Variants in KIF20B observed in about 807,000 individuals in gnomAD.
KIF20B encodes the protein kinesin family member 20B.
KIF20B carries 188 observed loss-of-function variants against 232.5 expected under a neutral mutation model. The observed-to-expected ratio is 0.81, with a 90% confidence interval of 0.72 to 0.91. The LOEUF (loss-of-function observed/expected upper bound fraction) is 0.91. KIF20B is among the 40% of genes least tolerant of loss of function. KIF20B has a pLI of 0.00. For missense variants in KIF20B, 2,154 were observed against 2,055.9 expected, an observed-to-expected ratio of 1.05 and a Z score of -0.92; for synonymous variants, 712 against 683.0, an observed-to-expected ratio of 1.04 and a Z score of -0.66.
chr10:89,754,788 G>A, intron 26 of KIF20B, 115 bp downstream of exon 26: 3 of 682,412 alleles, frequency 4.4e-6, no homozygotes, highest in Non-Finnish European at 6.8e-6. Context: ...TTAAAGGCAG[G>A]TTGTCATCTT....
intron 2 of KIF20B, among the ~76,000 whole-genome samples, chr10:89,705,824 A>T (rs1842711123): frequency 6.6e-6 from 1 of 152,156 alleles, no homozygotes; most frequent in Non-Finnish European, 1.5e-5. Flanking sequence ...GATTGGCATG[A>T]TGTTTTTGAG....
Position 89,737,449 on chromosome 10 carries a change from A to G in KIF20B, c.2608A>G (p.Asn870Asp). Reference protein sequence around the residue: ...DQKKSEEVRPNIAEIEDIRVL... With the variant: ...DQKKSEEVRPDIAEIEDIRVL... ...AAAGAAAAGTGAAGAAGTGCGACCG[A>G]ACATTGCAGAAATTGAAGACATCAG... Residue 870 changes from asparagine to aspartate, a missense_variant, in exon 20 of 33, where the codon AAC becomes GAC. Asn to Asp is a conservative substitution (Grantham distance 23, BLOSUM62 1). Coordinates refer to ENST00000371728, the MANE Select transcript of KIF20B (RefSeq NM_001284259.2). 6.2e-7 allele frequency: 1 copy of G among 1,606,880 alleles called. No homozygotes were observed. The highest frequency in any genetic ancestry group is 8.5e-7 in the Non-Finnish European group (1 of 1,178,038).
At chr10:89,743,981 A>G in intron 22 of KIF20B, 54 bp downstream of exon 22, 1 of 1,458,672 alleles carries the variant, frequency 6.9e-7, no homozygotes, top group Middle Eastern at 1.8e-4. Context: ...GGTATATTTT[A>G]GTGTACAAAA....
At chr10:89,758,615 A>G (rs1842179404) in intron 26 of KIF20B, 91 bp from the exon 27 acceptor site, 5 of 818,528 alleles carry the variant, frequency 6.1e-6, no homozygotes, top group Non-Finnish European at 5.3e-6. Flanking sequence ...TTGCAGCTAT[A>G]TTTATGGTGT....
rs751544939 is a variant in KIF20B at position 89,737,410 on chromosome 10, A to G, written c.2569A>G (p.Ile857Val). The stretch of plus-strand genomic sequence containing the variant: ...AGGGTCTATCCATGTTAGTTCAGCT[A>G]TCACTGAAGACCAAAAGAAAAGTGA... Reference protein sequence around the residue: ...KKGSIHVSSAITEDQKKSEEV... With the variant: ...KKGSIHVSSAVTEDQKKSEEV... Residue 857 changes from isoleucine to valine, a missense_variant, in exon 20 of 33, where the codon ATC (isoleucine) becomes GTC (valine). Transcript: ENST00000371728. The G allele has an allele frequency of 3.8e-6, 6 of 1,583,334 alleles. No homozygotes were observed. Among genetic ancestry groups the G allele is most frequent in the Non-Finnish European group, 1.7e-6 (2 of 1,171,368 alleles).
In KIF20B at chr10:89,735,663, G is replaced by A. The variant is rs532138612; in HGVS notation, c.2546-1724G>A. On this transcript the variant is annotated intron_variant, in intron 19 of 32. Transcript: ENST00000371728. ...AGCCATTCTCCTGGCTCAGCCTCCC[G>A]ACTAGCTGGGATTACAGGCGCCCAC... is the stretch of plus-strand genomic sequence containing the variant. Among the ~76,000 whole-genome samples the A allele has an allele frequency of 2.2e-4, 33 of 148,196 alleles. No individual in the cohort carries two copies. The South Asian group carries it at 6.2e-3, about 28-fold the overall frequency.
In KIF20B at chr10:89,738,514, C is replaced by A; in HGVS notation, c.3673C>A (p.Leu1225Met). 1 of 1,603,148 alleles carries A rather than the reference C, an allele frequency of 6.2e-7. No individual in the cohort carries two copies. Among genetic ancestry groups the A allele is most frequent in the Admixed American group, 1.7e-5 (1 of 58,494 alleles). Residue 1225 changes from leucine (L) to methionine (M), a missense_variant, in exon 20 of 33, where the codon CTG becomes ATG. Physicochemically the swap from Leu to Met is conservative, Grantham distance 15. Transcript: ENST00000371728. ...TKDLNVKELKLKEEITQLTNN... is the reference protein window; with the variant it reads ...TKDLNVKELKMKEEITQLTNN... ...AGATTTAAATGTAAAGGAACTCAAG[C>A]TGAAAGAAGAAATCACACAGTTAAC...
chr10:89,719,155 T>C (rs1432363887), intron 12 of KIF20B, among the ~76,000 whole-genome samples: 1 of 152,184 alleles, frequency 6.6e-6, no homozygotes, highest in Non-Finnish European at 1.5e-5. Flanking sequence ...TTGGTACTTC[T>C]GGGTGATTGG....
At chr10:89,720,143 T>C (rs1392373912) in intron 13 of KIF20B, among the ~76,000 whole-genome samples, 1 of 152,230 alleles carries the variant, frequency 6.6e-6, no homozygotes, top group Non-Finnish European at 1.5e-5. Flanking sequence ...AATATGTTCT[T>C]TATAGCCACT....
At chr10:89,732,862 G>A (rs769680645) in intron 18 of KIF20B, 41 bp from the exon 19 acceptor site, 21 of 1,433,630 alleles carry the variant, frequency 1.5e-5, no homozygotes, top group Non-Finnish European at 1.9e-5. Flanking sequence ...ATTTTTTGTA[G>A]CTTTCTATAT....
chr10:89,725,168 T>C lies in KIF20B; in HGVS notation c.2001+10T>C. 3 of 1,613,188 alleles carry C rather than the reference T, an allele frequency of 1.9e-6. No homozygotes were observed. Among genetic ancestry groups the C allele is most frequent in the Non-Finnish European group, 2.5e-6 (3 of 1,179,486 alleles). On this transcript the variant is annotated intron_variant, in intron 15 of 32. Transcript: ENST00000371728. ...AAAAGTTGAAACTGAAGTATGTTAA[T>C]TGAAGTATTTAAAAATATCCAGTGA...
chr10:89,724,170 T>C (rs915949904), intron 14 of KIF20B, 67 bp downstream of exon 14: 4 of 1,334,934 alleles, frequency 3.0e-6, no homozygotes, highest in Non-Finnish European at 3.9e-6. Context: ...TTTTTTTTTT[T>C]ACTTAGTTTA....
intron 20 of KIF20B, 115 bp downstream of exon 20, chr10:89,738,732 G>C (rs1564667521): frequency 5.3e-6 from 7 of 1,311,212 alleles, no homozygotes; most frequent in Non-Finnish European, 4.0e-6. Context: ...CATGTATGAT[G>C]AGTGAAGAAC....
chr10:89,714,584 TG>T (rs1842900251), intron 7 of KIF20B, among the ~76,000 whole-genome samples: 1 of 152,194 alleles, frequency 6.6e-6, no homozygotes, highest in African/African-American at 2.4e-5. Context: ...ACCTGGAAAA[TG>T]ATACATATTT....
chr10:89,720,959 G>A (rs1198801110), intron 13 of KIF20B, among the ~76,000 whole-genome samples: 5 of 151,988 alleles, frequency 3.3e-5, no homozygotes, highest in African/African-American at 4.8e-5. Flanking sequence ...TGCCCGCCTC[G>A]GCCTCCCAAA....
intron 24 of KIF20B, 89 bp from the exon 25 acceptor site, chr10:89,752,478 A>ATTTT: frequency 1.1e-6 from 1 of 930,342 alleles, no homozygotes; most frequent in South Asian, 2.0e-5. Context: ...GGCTCTACTG[A>ATTTT]TTTGTGTCTG....
intron 31 of KIF20B, among the ~76,000 whole-genome samples, chr10:89,770,394 C>G (rs764922649): frequency 1.3e-5 from 2 of 151,942 alleles, no homozygotes; most frequent in Non-Finnish European, 2.9e-5. Flanking sequence ...GAGGGACAAA[C>G]AGCAAACTGT....
chr10:89,709,682 T>C (rs912871162), intron 4 of KIF20B, among the ~76,000 whole-genome samples: 2 of 151,608 alleles, frequency 1.3e-5, no homozygotes, highest in African/African-American at 4.8e-5. Context: ...ATTAAAGTTA[T>C]TATTAATATA....
At chr10:89,739,400 A>G (rs2133130579) in intron 21 of KIF20B, among the ~76,000 whole-genome samples, 1 of 152,282 alleles carries the variant, frequency 6.6e-6, no homozygotes, top group South Asian at 2.1e-4. Flanking sequence ...TACTTAGGAG[A>G]ATGTGCAGTA....
Sources: allele counts gnomAD v4.1 joint callset (sites outside exome capture counted in the v4.1 genomes callset), GRCh38; gene constraint gnomAD v4.1.1; transcripts MANE v1.5; gene names NCBI Gene and HGNC (gene_info 2026-07-23, HGNC 2026-07-21).